Variants in ZNF221 observed in about 807,000 individuals in gnomAD.
ZNF221 encodes zinc finger protein 221.
In ZNF221, 10 loss-of-function variants were observed where a neutral mutation model predicts 12.6. The ratio of observed to expected loss-of-function variants is 0.79; its 90% confidence interval spans 0.49 to 1.34. The LOEUF (loss-of-function observed/expected upper bound fraction) is 1.34. ZNF221 is among the 40% of genes most tolerant of loss of function. The pLI is 0.00. For missense variants in ZNF221, 661 were observed against 721.4 expected (o/e 0.92, Z 0.96); for synonymous variants, 232 against 244.0 (o/e 0.95, Z 0.46).
the ZNF221 span, among the ~76,000 whole-genome samples, chr19:43,972,930 T>A: frequency 1.3e-5 from 2 of 152,058 alleles, no homozygotes; most frequent in Non-Finnish European, 2.9e-5. Context: ...GATACCAAAA[T>A]CTGGCAGAGA....
At chr19:43,979,196 A>T in the ZNF221 span, among the ~76,000 whole-genome samples, 2 of 151,988 alleles carry the variant, frequency 1.3e-5, no homozygotes, top group African/African-American at 4.8e-5. Flanking sequence ...CTAGGAACAC[A>T]CTAAGCATAC....
chr19:43,951,692 A>G (rs1046937513), intron 1 of ZNF221, among the ~76,000 whole-genome samples: 3 of 152,160 alleles, frequency 2.0e-5, no homozygotes, highest in African/African-American at 7.2e-5. Flanking sequence ...AAGAGGTAAT[A>G]TAAAAGAGTC....
rs435590 is a variant in ZNF221 at position 43,966,511 on chromosome 19, C to G, written c.1009C>G (p.Pro337Ala). Residue 337 changes from proline to alanine, a missense_variant, in exon 5 of 5, where the codon CCA (proline) becomes GCA (alanine). Transcript: ENST00000587682. Reference protein sequence around the residue: ...RHSMVHTGEKPFRCDTCGKNF... With the variant: ...RHSMVHTGEKAFRCDTCGKNF... Reference sequence around the variant, plus strand: ...TTCCATGGTTCACACAGGAGAAAAACCATTCAGATGTGATACATGTGGCAA... The same window carrying G: ...TTCCATGGTTCACACAGGAGAAAAAGCATTCAGATGTGATACATGTGGCAA... The G allele has an allele frequency of 7.7e-3, 12,353 of 1,614,094 alleles. 727 individuals are homozygous for G. The African/African-American group carries it at 0.13, about 17-fold the overall frequency.
chr19:43,959,113 T>C (rs779121206), intron 1 of ZNF221, among the ~76,000 whole-genome samples: 1 of 152,198 alleles, frequency 6.6e-6, no homozygotes, highest in Admixed American at 6.5e-5. Flanking sequence ...AACCCAAATA[T>C]GCTCTTCAAT....
Position 43,967,168 on chromosome 19 carries a change from C to T in ZNF221, c.1666C>T (p.His556Tyr). 1 of 1,591,238 alleles carries T rather than the reference C, an allele frequency of 6.3e-7. No homozygotes were observed. Among genetic ancestry groups the T allele is most frequent in the Non-Finnish European group, 8.6e-7 (1 of 1,165,028 alleles). ...KFNLDMHQRV[H>Y]GGERPYNCKE... is the part of the protein sequence containing the mutation. ...TAATCTTGACATGCACCAGAGGGTC[C>T]ACGGGGGAGAGCGACCCTATAATTG... The change falls in exon 5 of 5, where the codon CAC becomes TAC. Residue 556 changes from histidine (H) to tyrosine (Y), a missense_variant. Transcript: ENST00000587682.
intron 1 of ZNF221, among the ~76,000 whole-genome samples, chr19:43,962,261 T>C (rs573220429): frequency 1.6e-4 from 24 of 152,220 alleles, no homozygotes; most frequent in Non-Finnish European, 8.8e-5. Context: ...GTGACCGTCA[T>C]CATAATTCAG....
chr19:43,960,448 G>A (rs1181507602), intron 1 of ZNF221: 2 of 152,246 alleles, frequency 1.3e-5, no homozygotes, highest in Non-Finnish European at 2.9e-5. Flanking sequence ...CATGTCGGCT[G>A]TGGAGCAACC....
Position 43,965,953 on chromosome 19 carries a change from G to A in ZNF221, c.451G>A (p.Asp151Asn). The change falls in exon 5 of 5, where the codon GAT becomes AAT. Residue 151 changes from aspartate (D) to asparagine (N), a missense_variant. Transcript: ENST00000587682. ...CAGCTCTCAGTTCTTCAAAGAAGGT[G>A]ATGTCCCCTGCCAGATTGAGGCAAG... The part of the protein sequence containing the change: ...RNSSQFFKEG[D>N]VPCQIEARLS... 1 of 1,614,212 alleles carries A rather than the reference G, an allele frequency of 6.2e-7. No individual in the cohort carries two copies. Among genetic ancestry groups the A allele is most frequent in the Middle Eastern group, 1.6e-4 (1 of 6,062 alleles).
At chr19:43,961,701 AG>A (rs1568476438) in intron 1 of ZNF221, 1 of 152,186 alleles carries the variant, frequency 6.6e-6, no homozygotes, top group Non-Finnish European at 1.5e-5. Context: ...ACATTTCTGT[AG>A]TCTTCTTTAA....
downstream of ZNF221, among the ~76,000 whole-genome samples, chr19:43,969,713 G>C (rs1461847182): frequency 6.6e-6 from 1 of 152,200 alleles, no homozygotes; most frequent in Non-Finnish European, 1.5e-5. Context: ...TCCCTGTGGG[G>C]GGTCTTCAGT....
intron 1 of ZNF221, chr19:43,960,062 A>G (rs1974819099): frequency 6.6e-6 from 1 of 152,124 alleles, no homozygotes; most frequent in African/African-American, 2.4e-5. Context: ...TGGTGGGAAT[A>G]TGGACAATGA....
the ZNF221 span, among the ~76,000 whole-genome samples, chr19:43,973,796 C>G: frequency 5.5e-4 from 83 of 152,140 alleles, no homozygotes; most frequent in African/African-American, 2.0e-3. Flanking sequence ...TAGGAAGAAT[C>G]AATATTGTGA....
intron 1 of ZNF221, 130 bp downstream of exon 1, chr19:43,951,530 A>C (rs1412689870): frequency 6.6e-6 from 1 of 152,206 alleles, no homozygotes; most frequent in Non-Finnish European, 1.5e-5. Flanking sequence ...TGGGGCTCTC[A>C]GCTCGCCCAA....
chr19:43,970,329 A>T (rs921883963), downstream of ZNF221, among the ~76,000 whole-genome samples: 1 of 152,196 alleles, frequency 6.6e-6, no homozygotes, highest in African/African-American at 2.4e-5. Flanking sequence ...ACACAAAAAA[A>T]TGCTGAAAAC....
chr19:43,973,776 T>G, the ZNF221 span, among the ~76,000 whole-genome samples: 1 of 152,340 alleles, frequency 6.6e-6, no homozygotes, highest in Admixed American at 6.5e-5. Flanking sequence ...AAACATTTCA[T>G]GCTCATGGAT....
At chr19:43,960,753 A>G (rs1457014203) in intron 1 of ZNF221, among the ~76,000 whole-genome samples, 1 of 152,222 alleles carries the variant, frequency 6.6e-6, no homozygotes, top group East Asian at 1.9e-4. Context: ...TAGTTGTGGT[A>G]GTTTCCACAT....
intron 1 of ZNF221, among the ~76,000 whole-genome samples, chr19:43,961,122 C>T (rs1974835675): frequency 6.6e-6 from 1 of 152,122 alleles, no homozygotes; most frequent in Non-Finnish European, 1.5e-5. Flanking sequence ...CTTTAAGAGC[C>T]CTGGCTGGAG....
chr19:43,981,250 ATT>A, the ZNF221 span, among the ~76,000 whole-genome samples: 2 of 152,260 alleles, frequency 1.3e-5, no homozygotes, highest in African/African-American at 4.8e-5. Flanking sequence ...ACTTCTTACC[ATT>A]TGATTGGCAA....
rs1483495133 is a variant in ZNF221 at position 43,966,824 on chromosome 19, A to C, written c.1322A>C (p.Gln441Pro). The C allele has an allele frequency of 1.2e-6, 2 of 1,614,270 alleles. No individual in the cohort carries two copies. Among genetic ancestry groups the C allele is most frequent in the Admixed American group, 3.3e-5 (2 of 60,030 alleles). ...ACAAATTCACGACGATCTTCCCATCAGAGATCCCACAATGGAGAAAAGCCA... is the reference window on the plus strand; with the variant it reads ...ACAAATTCACGACGATCTTCCCATCCGAGATCCCACAATGGAGAAAAGCCA... ...FYTNSRRSSHQRSHNGEKPYN... is the reference protein window; with the variant it reads ...FYTNSRRSSHPRSHNGEKPYN... The change falls in exon 5 of 5, where the codon CAG becomes CCG. Residue 441 changes from glutamine (Q) to proline (P), a missense_variant. By Grantham distance (76) the Gln-to-Pro change is moderately conservative. Transcript: ENST00000587682.
Sources: gnomAD v4.1 joint callset for allele counts (sites outside exome capture counted in the v4.1 genomes callset) on GRCh38, gnomAD v4.1.1 for gene constraint, MANE v1.5 for transcripts, NCBI Gene and HGNC (gene_info 2026-07-23, HGNC 2026-07-21) for gene names.